The following SEMA3C variants were observed in gnomAD, a reference collection of about 807,000 sequenced individuals.
SEMA3C encodes the protein semaphorin-3C.
In SEMA3C, 47 loss-of-function variants were observed where a neutral mutation model predicts 89.4. That is an observed-to-expected ratio of 0.53 (90% confidence interval 0.42 to 0.67). SEMA3C has a LOEUF of 0.67. Ranked by LOEUF, SEMA3C falls within the 30% of genes least tolerant of loss-of-function variation. The pLI is 0.00. For synonymous variants in SEMA3C, 310 were observed against 320.2 expected (o/e 0.97, Z 0.34); for missense variants, 839 against 929.1 (o/e 0.90, Z 1.26).
At chr7:80,841,458 T>G (rs1004741702) in intron 2 of SEMA3C, among the ~76,000 whole-genome samples, 4 of 152,150 alleles carry the variant, frequency 2.6e-5, no homozygotes, top group Non-Finnish European at 5.9e-5. Context: ...CTATGCAAAC[T>G]TTCCTTGCAG....
intron 2 of SEMA3C, among the ~76,000 whole-genome samples, chr7:80,909,078 G>A (rs1001536747): frequency 1.3e-5 from 2 of 152,090 alleles, no homozygotes; most frequent in African/African-American, 2.4e-5. Flanking sequence ...GACGATGTGA[G>A]TGTGTGTATG....
chr7:80,814,255 A>AT (rs1473394970), intron 5 of SEMA3C, among the ~76,000 whole-genome samples: 2 of 151,424 alleles, frequency 1.3e-5, no homozygotes, highest in African/African-American at 4.9e-5. Flanking sequence ...CGCCCAGCTA[A>AT]TTTTTTGTAT....
At chr7:80,761,523 C>G in intron 14 of SEMA3C, 93 bp downstream of exon 14, 1 of 686,996 alleles carries the variant, frequency 1.5e-6, no homozygotes, top group Non-Finnish European at 2.4e-6. Context: ...TTTGTTAGTA[C>G]GATAACTAAT....
intron 2 of SEMA3C, among the ~76,000 whole-genome samples, chr7:80,859,758 T>C (rs1790726830): frequency 6.6e-6 from 1 of 152,132 alleles, no homozygotes; most frequent in Admixed American, 6.6e-5. Flanking sequence ...AGCTCCTCTC[T>C]GAGGCAAGCC....
Position 80,765,146 on chromosome 7 carries a change from T to C in SEMA3C, c.1443+9A>G. 6.3e-7 allele frequency: 1 copy of C among 1,598,242 alleles called. No homozygotes were observed. The highest frequency in any genetic ancestry group is 8.6e-7 in the Non-Finnish European group (1 of 1,167,902). ...CATGTTCTGAGATTAATAGAAGAGA[T>C]GTTCAAACCTTAAAGACTTCCAGCT... On this transcript the variant is annotated intron_variant, in intron 13 of 17. Coordinates refer to ENST00000265361, the MANE Select transcript of SEMA3C (RefSeq NM_006379.5).
At chr7:80,915,385 T>A (rs1027665559) in intron 2 of SEMA3C, among the ~76,000 whole-genome samples, 2 of 152,148 alleles carry the variant, frequency 1.3e-5, no homozygotes, top group Non-Finnish European at 2.9e-5. Flanking sequence ...TCGGTGCTTA[T>A]GACAACCTTG....
chr7:80,855,723 A>ATCCACTAGAT lies in SEMA3C; in HGVS notation c.104-26979_104-26978insATCTAGTGGA, dbSNP rs1790622005. Reference sequence around the variant, plus strand: ...AAGGCTGGATGACTCTAGTGGAGTCAACATGATACAAAACACAAGGCAACT... The same window carrying ATCCACTAGAT: ...AAGGCTGGATGACTCTAGTGGAGTCATCCACTAGATACATGATACAAAACACAAGGCAACT... On this transcript the variant is annotated intron_variant, in intron 2 of 17. Coordinates refer to ENST00000265361, the MANE Select transcript of SEMA3C (RefSeq NM_006379.5). 3.9e-5 allele frequency among the ~76,000 whole-genome samples: 6 copies of ATCCACTAGAT among 152,326 alleles called. No individual in the cohort carries two copies. In the South Asian group the frequency reaches 1.2e-3, roughly 32 times the overall value.
chr7:80,761,015 T>C (rs1013141040), intron 14 of SEMA3C, among the ~76,000 whole-genome samples: 2 of 152,202 alleles, frequency 1.3e-5, no homozygotes, highest in Non-Finnish European at 2.9e-5. Flanking sequence ...CAATGATCAT[T>C]GTATATTTAC....
chr7:80,911,696 C>G (rs547955681), intron 2 of SEMA3C, among the ~76,000 whole-genome samples: 21 of 151,338 alleles, frequency 1.4e-4, no homozygotes, highest in Non-Finnish European at 2.8e-4. Flanking sequence ...TACAATGGCA[C>G]GACCTCGACT....
intron 2 of SEMA3C, among the ~76,000 whole-genome samples, chr7:80,883,654 T>A (rs1791405294): frequency 6.6e-6 from 1 of 152,236 alleles, no homozygotes; most frequent in South Asian, 2.1e-4. Flanking sequence ...CTTCTTGCTG[T>A]TCCTTCCATT....
At chr7:80,892,058 T>C (rs1007361143) in intron 2 of SEMA3C, among the ~76,000 whole-genome samples, 4 of 152,096 alleles carry the variant, frequency 2.6e-5, no homozygotes, top group African/African-American at 9.7e-5. Context: ...ATAAAATCTT[T>C]CATTCTTATA....
At chr7:80,865,350 C>T (rs1790900679) in intron 2 of SEMA3C, among the ~76,000 whole-genome samples, 1 of 152,110 alleles carries the variant, frequency 6.6e-6, no homozygotes, top group Non-Finnish European at 1.5e-5. Flanking sequence ...TAGCCATATC[C>T]TCCATGACAC....
chr7:80,881,286 A>G (rs1791334842), intron 2 of SEMA3C, among the ~76,000 whole-genome samples: 1 of 152,044 alleles, frequency 6.6e-6, no homozygotes, highest in Admixed American at 6.6e-5. Flanking sequence ...TTCCAAATGA[A>G]TCTCAAATAT....
intron 2 of SEMA3C, among the ~76,000 whole-genome samples, chr7:80,906,805 A>C (rs1792026904): frequency 6.6e-6 from 1 of 152,170 alleles, no homozygotes; most frequent in South Asian, 2.1e-4. Context: ...GGGGAGAGGC[A>C]AGCATTTCCT....
chr7:80,797,081 T>C (rs1789082834), intron 11 of SEMA3C, among the ~76,000 whole-genome samples: 1 of 152,188 alleles, frequency 6.6e-6, no homozygotes, highest in Non-Finnish European at 1.5e-5. Flanking sequence ...GAACACCTTG[T>C]TTACATAAAT....
intron 16 of SEMA3C, among the ~76,000 whole-genome samples, chr7:80,750,287 G>GGGAC (rs1196020044): frequency 6.6e-6 from 1 of 151,278 alleles, no homozygotes; most frequent in Admixed American, 6.6e-5. Context: ...GTTTAATTGA[G>GGGAC]GGACATAAAG....
At chr7:80,867,394 C>G (rs1399752162) in intron 2 of SEMA3C, among the ~76,000 whole-genome samples, 1 of 152,156 alleles carries the variant, frequency 6.6e-6, no homozygotes, top group Non-Finnish European at 1.5e-5. Flanking sequence ...AGCCACCACT[C>G]TCGGCCTAAC....
chr7:80,793,353 C>T (rs1160010720), intron 11 of SEMA3C: 5 of 252,728 alleles, frequency 2.0e-5, no homozygotes, highest in East Asian at 2.6e-4. Context: ...TCTTCACGTC[C>T]ATTAGGTCAG....
chr7:80,784,802 T>C (rs972797129), intron 12 of SEMA3C, among the ~76,000 whole-genome samples: 33 of 152,280 alleles, frequency 2.2e-4, no homozygotes, highest in Admixed American at 1.8e-3. Flanking sequence ...TAATCTTCAC[T>C]GCTCATGAGA....
Sources: allele counts gnomAD v4.1 joint callset (sites outside exome capture counted in the v4.1 genomes callset), GRCh38; gene constraint gnomAD v4.1.1; transcripts MANE v1.5; gene names NCBI Gene and HGNC (gene_info 2026-07-23, HGNC 2026-07-21).